Variants in WDFY3 observed in about 807,000 individuals in gnomAD.
WDFY3 encodes WD repeat and FYVE domain-containing protein 3.
In WDFY3, 66 loss-of-function variants were observed where a neutral mutation model predicts 409.6. The observed-to-expected ratio is 0.16, with a 90% confidence interval of 0.13 to 0.20. The LOEUF is 0.20. WDFY3 is among the 10% of genes least tolerant of loss of function. The probability of loss-of-function intolerance (pLI) is 1.00; values close to 1 mark genes in which losing one functional copy is unlikely to be tolerated. For missense variants in WDFY3, 3,031 were observed against 4,298.1 expected (o/e 0.71, Z 8.24); for synonymous variants, 1,521 against 1,537.1 (o/e 0.99, Z 0.25).
At chr4:84,880,670 CATACATATATATATATATAT>C (rs1763372918) in intron 3 of WDFY3, among the ~76,000 whole-genome samples, 2 of 55,204 alleles carry the variant, frequency 3.6e-5, no homozygotes, top group African/African-American at 1.6e-4. Context: ...ATAAGGGAAC[CATACATATATATATATATAT>C]ATATATATAT....
At chr4:84,859,932 CAT>C (rs1173280851) in intron 4 of WDFY3, among the ~76,000 whole-genome samples, 3 of 152,200 alleles carry the variant, frequency 2.0e-5, no homozygotes, top group Non-Finnish European at 4.4e-5. Flanking sequence ...ATTTACAAAA[CAT>C]ATGAAAACAT....
intron 40 of WDFY3, 35 bp downstream of exon 40, chr4:84,738,975 C>T (rs1219853011): frequency 6.2e-7 from 1 of 1,607,806 alleles, no homozygotes; most frequent in Non-Finnish European, 8.5e-7. Context: ...ATAAAACAAC[C>T]ACAATTTAAA....
intron 49 of WDFY3, 66 bp downstream of exon 49, chr4:84,716,830 T>A (rs1480431806): frequency 9.2e-6 from 12 of 1,299,342 alleles, no homozygotes; most frequent in Non-Finnish European, 1.0e-5. Flanking sequence ...AAAAATAAAA[T>A]AAAATAAAAC....
chr4:84,809,248 A>T (rs1752069559), intron 14 of WDFY3: 1 of 152,246 alleles, frequency 6.6e-6, no homozygotes, highest in Admixed American at 6.6e-5. Context: ...ACTATATGTA[A>T]TTGTTTATTT....
intron 2 of WDFY3, among the ~76,000 whole-genome samples, chr4:84,908,649 C>A (rs1767359274): frequency 1.3e-5 from 2 of 152,122 alleles, no homozygotes; most frequent in Admixed American, 6.5e-5. Context: ...TTGTATATTT[C>A]AACTTTTTTT....
At chr4:84,678,381 C>A in intron 65 of WDFY3, 102 bp from the exon 66 acceptor site, 1 of 772,008 alleles carries the variant, frequency 1.3e-6, no homozygotes, top group Non-Finnish European at 2.2e-6. Flanking sequence ...GGTACCTCAA[C>A]ATACAGCTAC....
Position 84,721,510 on chromosome 4 carries a change from G to T in WDFY3, c.7504C>A (p.Gln2502Lys). ...SAPDGGDEEN[Q>K]EQLQDQIAEG... ...GCAATCTGGTCTTGTAGCTGCTCCT[G>T]GTTCTCCTCATCTCCTCCATCAGGT... Residue 2502 changes from glutamine (Q) to lysine (K), a missense_variant, in exon 47 of 68, where the codon CAG becomes AAG. Around this residue, in one of 16 missense-constraint regions of WDFY3, gnomAD observed 127 missense variants for 144.4 expected, o/e 0.88. Coordinates refer to ENST00000295888, the MANE Select transcript of WDFY3 (RefSeq NM_014991.6). 1 of 1,612,200 alleles carries T rather than the reference G, an allele frequency of 6.2e-7. No individual in the cohort carries two copies.
chr4:84,782,873 A>T, intron 25 of WDFY3, 90 bp downstream of exon 25: 3 of 1,121,398 alleles, frequency 2.7e-6, no homozygotes, highest in Non-Finnish European at 4.0e-6. Context: ...TTAAAATATG[A>T]ACTTAAATAC....
At chr4:84,691,575 G>A (rs548580075) in intron 60 of WDFY3, 56 bp downstream of exon 60, 1 of 1,583,322 alleles carries the variant, frequency 6.3e-7, no homozygotes, top group South Asian at 1.1e-5. Flanking sequence ...AGTCATATAG[G>A]ATAGCCAGAC....
At chr4:84,714,711 G>A (rs980983673) in intron 50 of WDFY3, among the ~76,000 whole-genome samples, 24 of 152,196 alleles carry the variant, frequency 1.6e-4, no homozygotes, top group Non-Finnish European at 2.9e-4. Flanking sequence ...AGCACTTTGG[G>A]AGGCCGAGGT....
chr4:84,804,971 T>C (rs1013042358), intron 15 of WDFY3, among the ~76,000 whole-genome samples: 4 of 152,176 alleles, frequency 2.6e-5, no homozygotes, highest in Admixed American at 6.5e-5. Context: ...TCCAAAAATC[T>C]GAAATCTGAA....
At chr4:84,742,777 C>T (rs1301222897) in intron 37 of WDFY3, among the ~76,000 whole-genome samples, 2 of 152,198 alleles carry the variant, frequency 1.3e-5, no homozygotes, top group Non-Finnish European at 2.9e-5. Context: ...GTAATCCCCC[C>T]TTAGTCTGTG....
At position 84,801,642 on chromosome 4, in the gene WDFY3, G is replaced by A; in HGVS notation, c.2822+8C>T. Reference sequence around the variant, plus strand: ...TTGTGGACTATTTGAGTATGAAAGAGAACTTACCTCAACACCATGGGTTCC... The same window carrying A: ...TTGTGGACTATTTGAGTATGAAAGAAAACTTACCTCAACACCATGGGTTCC... On this transcript the variant is annotated splice_region_variant and intron_variant, in intron 17 of 67. Transcript: ENST00000295888. 6.2e-7 allele frequency: 1 copy of A among 1,602,948 alleles called. No homozygotes were observed. The highest frequency in any genetic ancestry group is 8.5e-7 in the Non-Finnish European group (1 of 1,173,548).
At chr4:84,908,238 C>A (rs531997975) in intron 2 of WDFY3, among the ~76,000 whole-genome samples, 17 of 152,070 alleles carry the variant, frequency 1.1e-4, no homozygotes, top group African/African-American at 3.4e-4. Context: ...CTGCAGCTAT[C>A]CAGTTTAGGT....
chr4:84,682,353 T>A (rs1727514571), intron 64 of WDFY3, 21 bp downstream of exon 64: 1 of 1,600,718 alleles, frequency 6.2e-7, no homozygotes, highest in Non-Finnish European at 8.5e-7. Flanking sequence ...ATTTGAGTCA[T>A]TTTTAGAAAG....
At chr4:84,937,353 G>A (rs548661830) in intron 1 of WDFY3, among the ~76,000 whole-genome samples, 6 of 152,024 alleles carry the variant, frequency 3.9e-5, no homozygotes, top group East Asian at 1.9e-4. Flanking sequence ...CCTTGTCAGC[G>A]TTCTTTCCTA....
intron 21 of WDFY3, among the ~76,000 whole-genome samples, chr4:84,790,298 G>A (rs1748294454): frequency 6.6e-6 from 1 of 151,948 alleles, no homozygotes; most frequent in African/African-American, 2.4e-5. Context: ...TTGCAGTGCT[G>A]AGATTGTACC....
At chr4:84,807,222 C>A (rs1057062590) in intron 15 of WDFY3, among the ~76,000 whole-genome samples, 1 of 152,002 alleles carries the variant, frequency 6.6e-6, no homozygotes, top group Admixed American at 6.6e-5. Flanking sequence ...GTTTATCATT[C>A]CTTGAATTAG....
Position 84,774,827 on chromosome 4 carries a change from G to C in WDFY3, c.4747C>G (p.Leu1583Val). Residue 1583 changes from leucine (L) to valine (V), a missense_variant, in exon 29 of 68, where the codon CTG becomes GTG. Leu to Val is a conservative substitution (Grantham distance 32). Coordinates refer to ENST00000295888, the MANE Select transcript of WDFY3 (RefSeq NM_014991.6). ...LLQGFPSSND[L>V]LRFGQFISST... is the part of the protein sequence containing the mutation. ...CAAAGAAGTTTTTCCTACCTGAGCA[G>C]ATCATTGCTGCTAGGAAAACCTTGC... 1 of 1,609,610 alleles carries C rather than the reference G, an allele frequency of 6.2e-7. No individual in the cohort carries two copies. The highest frequency in any genetic ancestry group is 1.1e-5 in the South Asian group (1 of 90,004).
Sources: gnomAD v4.1 joint callset for allele counts (sites outside exome capture counted in the v4.1 genomes callset) on GRCh38, gnomAD v4.1.1 for gene constraint, gnomAD v4.1.1 regional missense constraint, MANE v1.5 for transcripts, NCBI Gene and HGNC (gene_info 2026-07-23, HGNC 2026-07-21) for gene names.